The following MROH9 variants were observed in gnomAD, a reference collection of about 807,000 sequenced individuals.
MROH9 encodes the protein maestro heat-like repeat-containing protein family member 9.
In MROH9, 92 loss-of-function variants were observed where a neutral mutation model predicts 98.2. The observed-to-expected ratio is 0.94, with a 90% CI of 0.79 to 1.11. The LOEUF (loss-of-function observed/expected upper bound fraction) is 1.11. Ranked by LOEUF, MROH9 falls within the 50% of genes most tolerant of loss-of-function variation. MROH9 has a pLI of 0.00. For synonymous variants in MROH9, 397 were observed against 368.9 expected (o/e 1.08, Z -0.87); for missense variants, 1,057 against 1,014.8 (o/e 1.04, Z -0.57).
At chr1:171,019,853 A>C (rs1346949546) in intron 17 of MROH9, among the ~76,000 whole-genome samples, 1 of 152,192 alleles carries the variant, frequency 6.6e-6, no homozygotes, top group South Asian at 2.1e-4. Context: ...AAAAATTAAC[A>C]AAATAGATAG....
intron 16 of MROH9, among the ~76,000 whole-genome samples, chr1:171,015,914 G>A (rs964087310): frequency 2.6e-5 from 4 of 152,110 alleles, no homozygotes; most frequent in South Asian, 2.1e-4. Flanking sequence ...AAAATGTAGC[G>A]AAAGAATTAG....
chr1:171,037,178 C>A (rs1469022725), intron 20 of MROH9, among the ~76,000 whole-genome samples: 1 of 150,156 alleles, frequency 6.7e-6, no homozygotes, highest in Non-Finnish European at 1.5e-5. Flanking sequence ...GAAAATATCC[C>A]ATTTATAGTA....
At chr1:170,943,136 A>C (rs1649188513) in intron 1 of MROH9, among the ~76,000 whole-genome samples, 1 of 152,162 alleles carries the variant, frequency 6.6e-6, no homozygotes, top group South Asian at 2.1e-4. Flanking sequence ...AAATTAAAAA[A>C]ATCAATGACA....
chr1:170,956,842 A>C (rs569646103), intron 3 of MROH9, among the ~76,000 whole-genome samples: 1 of 151,522 alleles, frequency 6.6e-6, no homozygotes, highest in Non-Finnish European at 1.5e-5. Context: ...GATGCCCTTT[A>C]TTTCTTTCTC....
chr1:171,025,277 C>A, intron 19 of MROH9, 41 bp from the exon 20 acceptor site: 1 of 1,255,250 alleles, frequency 8.0e-7, no homozygotes, highest in Non-Finnish European at 1.1e-6. Flanking sequence ...TGTTCTATTT[C>A]AGCAATCGAG....
chr1:171,023,385 C>T (rs573956002), intron 17 of MROH9, among the ~76,000 whole-genome samples: 7 of 152,076 alleles, frequency 4.6e-5, no homozygotes, highest in Non-Finnish European at 8.8e-5. Context: ...TATTTAGTGG[C>T]AACTCAGCAA....
intron 3 of MROH9, among the ~76,000 whole-genome samples, chr1:170,953,534 T>C (rs536238395): frequency 6.6e-6 from 1 of 152,200 alleles, no homozygotes; most frequent in South Asian, 2.1e-4. Flanking sequence ...TTCATCTAGT[T>C]GTATTAAACA....
At chr1:170,962,038 ACTTT>A (rs1650035547) in intron 6 of MROH9, 62 bp downstream of exon 6, 1 of 895,458 alleles carries the variant, frequency 1.1e-6, no homozygotes, top group Non-Finnish European at 1.7e-6. Context: ...ACTATGCTTC[ACTTT>A]CTTCTCATTT....
chr1:171,058,268 G>T (rs1366484473), intron 20 of MROH9, among the ~76,000 whole-genome samples: 1 of 146,998 alleles, frequency 6.8e-6, no homozygotes, highest in Non-Finnish European at 1.5e-5. Flanking sequence ...AAATACCTTG[G>T]AATACAGCTA....
chr1:171,005,808 A>G (rs1340041259), intron 15 of MROH9, among the ~76,000 whole-genome samples: 1 of 152,094 alleles, frequency 6.6e-6, no homozygotes, highest in African/African-American at 2.4e-5. Context: ...TAGGACTTGC[A>G]GCACTTTACA....
intron 10 of MROH9, 61 bp from the exon 11 acceptor site, chr1:170,989,794 T>G (rs1470251928): frequency 2.1e-6 from 3 of 1,443,846 alleles, no homozygotes; most frequent in Non-Finnish European, 2.8e-6. Context: ...AAGAAATGCC[T>G]TGGTTTAGAG....
At chr1:171,042,461 A>G (rs1156420230) in intron 20 of MROH9, among the ~76,000 whole-genome samples, 2 of 152,130 alleles carry the variant, frequency 1.3e-5, no homozygotes, top group African/African-American at 4.8e-5. Context: ...AAATGCAGAT[A>G]TATCTTTGAT....
intron 7 of MROH9, among the ~76,000 whole-genome samples, chr1:170,970,260 G>A (rs928974927): frequency 1.3e-5 from 2 of 152,138 alleles, no homozygotes; most frequent in Non-Finnish European, 2.9e-5. Flanking sequence ...CCTGTAAGTG[G>A]TGCTCAGCTT....
chr1:171,032,243 A>G (rs567358156), intron 20 of MROH9, among the ~76,000 whole-genome samples: 1 of 152,262 alleles, frequency 6.6e-6, no homozygotes, highest in South Asian at 2.1e-4. Context: ...AGTGCAGCAT[A>G]GTTTTTTATT....
intron 3 of MROH9, among the ~76,000 whole-genome samples, chr1:170,956,403 T>C (rs1246504084): frequency 6.6e-6 from 1 of 152,146 alleles, no homozygotes; most frequent in Non-Finnish European, 1.5e-5. Flanking sequence ...AGATTGCTTT[T>C]GGCAGTATGG....
chr1:171,007,087 T>C (rs1361797064), intron 15 of MROH9, among the ~76,000 whole-genome samples: 1 of 152,252 alleles, frequency 6.6e-6, no homozygotes, highest in African/African-American at 2.4e-5. Context: ...TGCAAACACC[T>C]CTTCCCACTT....
chr1:170,973,604 G>A (rs953764596), intron 8 of MROH9, among the ~76,000 whole-genome samples: 18 of 152,172 alleles, frequency 1.2e-4, no homozygotes, highest in East Asian at 5.8e-4. Flanking sequence ...GGTTGGGCAC[G>A]GTGGCTCATG....
chr1:170,972,640 C>G (rs1462424337), intron 8 of MROH9, among the ~76,000 whole-genome samples: 4 of 146,166 alleles, frequency 2.7e-5, no homozygotes, highest in African/African-American at 1.1e-4. Context: ...GAAACCCCCT[C>G]TCTACTAAAA....
intron 20 of MROH9, among the ~76,000 whole-genome samples, chr1:171,034,508 T>A (rs1557907264): frequency 6.6e-6 from 1 of 152,192 alleles, no homozygotes; most frequent in Admixed American, 6.5e-5. Context: ...TGCTTCCTGA[T>A]GGGTACAACA....
Sources: gnomAD v4.1 joint callset for allele counts (sites outside exome capture counted in the v4.1 genomes callset) on GRCh38, gnomAD v4.1.1 for gene constraint, MANE v1.5 for transcripts, NCBI Gene and HGNC (gene_info 2026-07-23, HGNC 2026-07-21) for gene names.